Variants in MYO3B observed in about 807,000 individuals in gnomAD.
MYO3B encodes myosin-IIIb.
Under a neutral mutation model 174.6 loss-of-function variants are expected in MYO3B, and 156 were observed. That is an observed-to-expected ratio of 0.89 (90% confidence interval 0.78 to 1.02). The LOEUF is 1.02. Ranked by LOEUF, MYO3B falls within the 50% of genes least tolerant of loss-of-function variation. MYO3B has a pLI of 0.00. For synonymous variants in MYO3B, 563 were observed against 569.1 expected (o/e 0.99, Z 0.15); for missense variants, 1,632 against 1,639.4 (o/e 1.00, Z 0.08).
intron 7 of MYO3B, among the ~76,000 whole-genome samples, chr2:170,245,320 C>T (rs1021086066): frequency 3.3e-5 from 5 of 152,108 alleles, no homozygotes; most frequent in African/African-American, 7.2e-5. Context: ...TAATAGCCCA[C>T]GGTGAAAAAT....
At chr2:170,386,103 G>T in intron 12 of MYO3B, 86 bp from the exon 13 acceptor site, 1 of 1,038,022 alleles carries the variant, frequency 9.6e-7, no homozygotes, top group Non-Finnish European at 1.5e-6. Flanking sequence ...GAAAAATTAA[G>T]GTGTACAGTA....
At chr2:170,566,892 A>G (rs1202587538) in intron 32 of MYO3B, among the ~76,000 whole-genome samples, 2 of 152,188 alleles carry the variant, frequency 1.3e-5, no homozygotes, top group East Asian at 3.9e-4. Context: ...GATTGAGTCC[A>G]GGTTTGAAAG....
intron 9 of MYO3B, among the ~76,000 whole-genome samples, chr2:170,374,188 G>C (rs1254957094): frequency 1.3e-5 from 2 of 152,140 alleles, no homozygotes; most frequent in Non-Finnish European, 2.9e-5. Flanking sequence ...TCTTCTTCAG[G>C]CTAGAGACTG....
intron 8 of MYO3B, chr2:170,337,942 G>A (rs1418125698): frequency 6.6e-6 from 1 of 152,148 alleles, no homozygotes; most frequent in Non-Finnish European, 1.5e-5. Flanking sequence ...AGGAGGGGTT[G>A]GTTCCGCTGT....
Position 170,197,961 on chromosome 2 carries a change from G to A in MYO3B, c.3-1247G>A, listed in dbSNP as rs1045930246. Among the ~76,000 whole-genome samples, 4 of 152,232 alleles carry A rather than the reference G, an allele frequency of 2.6e-5. No individual in the cohort carries two copies. The South Asian group carries it at 6.2e-4, about 24-fold the overall frequency. ...TAAGACATGGGCGAATCAGCCACAC[G>A]TCAGACTGAGCATGTTTAGTGCTCA... On this transcript the variant is annotated intron_variant, in intron 1 of 34. Transcript: ENST00000408978.
At chr2:170,569,272 C>T (rs1361784205) in intron 32 of MYO3B, among the ~76,000 whole-genome samples, 6 of 152,124 alleles carry the variant, frequency 3.9e-5, no homozygotes, top group Admixed American at 3.9e-4. Context: ...CAGAGTCTCA[C>T]TTTTGCATCT....
intron 8 of MYO3B, among the ~76,000 whole-genome samples, chr2:170,367,590 C>T (rs1426696264): frequency 6.6e-6 from 1 of 152,112 alleles, no homozygotes; most frequent in Non-Finnish European, 1.5e-5. Flanking sequence ...GGCCATACAC[C>T]TATGTTACTG....
intron 32 of MYO3B, among the ~76,000 whole-genome samples, chr2:170,564,114 G>A (rs993717641): frequency 2.6e-5 from 4 of 152,106 alleles, no homozygotes; most frequent in Non-Finnish European, 5.9e-5. Context: ...TTCACCTTGG[G>A]TCCTTCTTCA....
At chr2:170,549,849 C>T (rs528672437) in intron 32 of MYO3B, among the ~76,000 whole-genome samples, 3 of 152,308 alleles carry the variant, frequency 2.0e-5, no homozygotes, top group South Asian at 4.1e-4. Context: ...TCACACTGGC[C>T]GCCTGTGTTT....
intron 24 of MYO3B, 45 bp downstream of exon 24, chr2:170,463,490 A>G (rs1025707779): frequency 2.9e-5 from 44 of 1,540,890 alleles, no homozygotes; most frequent in Non-Finnish European, 3.8e-5. Context: ...TCCAAAAAGG[A>G]CTGTCTAAGC....
At chr2:170,191,368 A>G (rs944514424) in intron 1 of MYO3B, among the ~76,000 whole-genome samples, 1 of 152,026 alleles carries the variant, frequency 6.6e-6, no homozygotes, top group Non-Finnish European at 1.5e-5. Flanking sequence ...CATCAAGTCC[A>G]CTGGCTTTGA....
Position 170,580,718 on chromosome 2 carries a change from A to ATATATATATATATGTGTG in MYO3B, c.3733+36731_3733+36732insATATATATATATGTGTGT, listed in dbSNP as rs768974458. On this transcript the variant is annotated intron_variant, in intron 32 of 34. Transcript: ENST00000408978. ...CTTCAGGTCCCACAAAACCTTATAT[A>ATATATATATATATGTGTG]TGTGTGTGTGTGTGTGTGTGTGTGT... Among the ~76,000 whole-genome samples, 139 of 142,774 alleles carry ATATATATATATATGTGTG rather than the reference A, an allele frequency of 9.7e-4. 1 individual carries two copies. The highest frequency in any genetic ancestry group is 3.4e-3 in the African/African-American group (131 of 38,252). The allele number at this position is 142,774 out of a possible 152,430, so 93.7% of individuals were successfully genotyped here.
Position 170,341,305 on chromosome 2 carries a change from T to G in MYO3B, c.815+5855T>G, listed in dbSNP as rs1399000855. ...GGCTGCTTAATTCCACATGGCTTTA[T>G]AGTGTCAATGAACAACACACTTGCA... On this transcript the variant is annotated intron_variant, in intron 8 of 34. Coordinates refer to ENST00000408978, the MANE Select transcript of MYO3B (RefSeq NM_138995.5). 1.5e-4 allele frequency: 23 copies of G among 152,230 alleles called. 1 individual carries two copies. The highest frequency in any genetic ancestry group is 1.5e-3 in the Admixed American group (23 of 15,286). The allele number at this position is 152,230 out of a possible 1,614,324, so 9.4% of individuals were successfully genotyped here. A position where few individuals can be genotyped will look rare whatever the true frequency, so the allele number is the denominator to read the frequency against.
chr2:170,559,322 AG>A (rs1691556637), intron 32 of MYO3B, among the ~76,000 whole-genome samples: 1 of 152,198 alleles, frequency 6.6e-6, no homozygotes. Flanking sequence ...GGAAAATAGA[AG>A]CCTTAAGGGG....
intron 1 of MYO3B, among the ~76,000 whole-genome samples, chr2:170,192,514 CTTTAA>C (rs1468578007): frequency 2.0e-5 from 3 of 150,644 alleles, no homozygotes; most frequent in East Asian, 1.9e-4. Context: ...AGAACAACAT[CTTTAA>C]TTTAATTATA....
chr2:170,492,662 C>G (rs1232631701), intron 25 of MYO3B, among the ~76,000 whole-genome samples: 1 of 152,196 alleles, frequency 6.6e-6, no homozygotes, highest in African/African-American at 2.4e-5. Context: ...CACATTCCCT[C>G]TTTACTCCTT....
chr2:170,491,869 T>C (rs560752757), intron 25 of MYO3B, among the ~76,000 whole-genome samples: 2 of 152,144 alleles, frequency 1.3e-5, no homozygotes, highest in Non-Finnish European at 2.9e-5. Flanking sequence ...GCCTGGTCAA[T>C]GTGGCAAAAC....
intron 25 of MYO3B, among the ~76,000 whole-genome samples, chr2:170,490,936 T>C (rs1686426409): frequency 1.3e-5 from 2 of 152,290 alleles, no homozygotes; most frequent in South Asian, 4.1e-4. Context: ...TGGTAATTTG[T>C]TTCTTCTTTT....
At chr2:170,563,068 G>GAC (rs1300303443) in intron 32 of MYO3B, among the ~76,000 whole-genome samples, 4 of 67,690 alleles carry the variant, frequency 5.9e-5, no homozygotes, top group Non-Finnish European at 7.2e-5. Context: ...ACACACTCTA[G>GAC]ACACACACAC....
Sources: allele counts gnomAD v4.1 joint callset (sites outside exome capture counted in the v4.1 genomes callset), GRCh38; gene constraint gnomAD v4.1.1; transcripts MANE v1.5; gene names NCBI Gene and HGNC (gene_info 2026-07-23, HGNC 2026-07-21).